Variants in MAP3K4 observed in about 807,000 individuals in gnomAD.
The protein encoded by MAP3K4 is mitogen-activated protein kinase kinase kinase 4, also known as MAP three kinase 1.
In MAP3K4, 67 loss-of-function variants were observed where a neutral mutation model predicts 185.6. The observed-to-expected ratio is 0.36, with a 90% CI of 0.30 to 0.44. The LOEUF (loss-of-function observed/expected upper bound fraction) is 0.44. MAP3K4 is among the 20% of genes least tolerant of loss of function. The pLI, the probability that MAP3K4 is intolerant of heterozygous loss-of-function variation, is 1.00. For synonymous variants in MAP3K4, 702 were observed against 710.4 expected (o/e 0.99, Z 0.19); for missense variants, 1,551 against 1,995.1 (o/e 0.78, Z 4.24).
rs1265241523 is a variant in MAP3K4, at chr6:161,103,822, A to G, written c.3856+1043A>G. Among the ~76,000 whole-genome samples, 2 of 152,214 alleles carry G rather than the reference A, an allele frequency of 1.3e-5. No individual in the cohort carries two copies. Among genetic ancestry groups the G allele is most frequent in the Non-Finnish European group, 2.9e-5 (2 of 68,036 alleles). The stretch of plus-strand genomic sequence containing the variant: ...GCAGAAATTCAGTATAAATAATACG[A>G]TACTGGACTAATGTGGGATTTAAAA... On this transcript the variant is annotated intron_variant, in intron 19 of 26. Coordinates refer to ENST00000392142, the MANE Select transcript of MAP3K4 (RefSeq NM_005922.4). This position sits in a 1 kb window ranked among gnomAD's most constrained non-coding sequence, Gnocchi z 4.6.
At chr6:161,015,708 G>T (rs1411917433) in intron 1 of MAP3K4, among the ~76,000 whole-genome samples, 1 of 152,024 alleles carries the variant, frequency 6.6e-6, no homozygotes, top group Non-Finnish European at 1.5e-5. Context: ...CGGGGGGAAG[G>T]TGCCAGGCTC....
chr6:161,085,764 A>G (rs1785679410), intron 7 of MAP3K4, among the ~76,000 whole-genome samples: 1 of 152,218 alleles, frequency 6.6e-6, no homozygotes, highest in East Asian at 1.9e-4. Context: ...GTAGATTCCA[A>G]AGAAACATGA....
chr6:161,024,199 C>G (rs1782533879), intron 1 of MAP3K4, among the ~76,000 whole-genome samples: 1 of 152,082 alleles, frequency 6.6e-6, no homozygotes, highest in African/African-American at 2.4e-5. Context: ...AAACTGCTGG[C>G]TTCCAGTGAT....
At chr6:160,999,158 T>C (rs1009644999) in intron 1 of MAP3K4, among the ~76,000 whole-genome samples, 4 of 152,338 alleles carry the variant, frequency 2.6e-5, no homozygotes, top group African/African-American at 9.6e-5. Flanking sequence ...TCAGATTTGA[T>C]GTTTTCAGTG....
chr6:161,096,005 T>C lies in MAP3K4; in HGVS notation c.3428-1075T>C, dbSNP rs1777554972. Reference sequence around the variant, plus strand: ...CTCAATTAAAGACTCACCAAATCTTTTGTTTTTTTTTAACCTTTGTTACTA... The same window carrying C: ...CTCAATTAAAGACTCACCAAATCTTCTGTTTTTTTTTAACCTTTGTTACTA... On this transcript the variant is annotated intron_variant, in intron 15 of 26. Coordinates refer to ENST00000392142, the MANE Select transcript of MAP3K4 (RefSeq NM_005922.4). The surrounding 1 kb of genome is among the most constrained non-coding windows in gnomAD (Gnocchi z 4.9). Among the ~76,000 whole-genome samples the C allele has an allele frequency of 6.6e-6, 1 of 152,200 alleles. No individual in the cohort carries two copies. The highest frequency in any genetic ancestry group is 1.5e-5 in the Non-Finnish European group (1 of 68,028).
chr6:161,069,734 A>G (rs1366039051), intron 3 of MAP3K4, among the ~76,000 whole-genome samples: 3 of 152,114 alleles, frequency 2.0e-5, no homozygotes, highest in Admixed American at 1.3e-4. Context: ...TCTGTCCCCA[A>G]GTTATGGTGG....
chr6:161,016,434 T>C (rs555049942), intron 1 of MAP3K4, among the ~76,000 whole-genome samples: 1 of 152,360 alleles, frequency 6.6e-6, no homozygotes, highest in Admixed American at 6.5e-5. Flanking sequence ...AAATATGAGA[T>C]CCTATAGCTT....
intron 1 of MAP3K4, among the ~76,000 whole-genome samples, chr6:161,016,225 A>G (rs1351117257): frequency 6.6e-6 from 1 of 152,074 alleles, no homozygotes; most frequent in East Asian, 1.9e-4. Context: ...TTGAATTTTA[A>G]GAGTTCTTTG....
In MAP3K4 at chr6:161,093,840, G is replaced by C; in HGVS notation, c.3416G>C (p.Gly1139Ala). 3 of 1,612,596 alleles carry C rather than the reference G, an allele frequency of 1.9e-6. No individual in the cohort carries two copies. Among genetic ancestry groups the C allele is most frequent in the Non-Finnish European group, 2.5e-6 (3 of 1,179,016 alleles). Residue 1139 changes from glycine (G) to alanine (A), a missense_variant, in exon 15 of 27, where the codon GGT becomes GCT. Physicochemically the swap from Gly to Ala is moderately conservative, Grantham distance 60. Around this residue, in one of 16 missense-constraint regions of MAP3K4, gnomAD observed 272 missense variants for 301.2 expected, o/e 0.90. Transcript: ENST00000392142. The surrounding 1 kb of genome is among the most constrained non-coding windows in gnomAD (Gnocchi z 5.2). ...VIGKPHSPVT[G>A]LYLAIHRNSP... is the part of the protein sequence containing the mutation. The stretch of plus-strand genomic sequence containing the variant: ...GGAAAACCACACAGTCCTGTTACAG[G>C]TTTGTACCTTGGTAAGACAGCCGTT...
intron 2 of MAP3K4, among the ~76,000 whole-genome samples, chr6:161,045,103 G>A (rs888176899): frequency 6.6e-6 from 1 of 152,074 alleles, no homozygotes; most frequent in African/African-American, 2.4e-5. Flanking sequence ...TATCCTTTTT[G>A]CACAGTAGCT....
intron 19 of MAP3K4, among the ~76,000 whole-genome samples, chr6:161,105,256 A>C (rs564460583): frequency 6.4e-4 from 98 of 152,368 alleles, no homozygotes; most frequent in South Asian, 1.7e-3. Flanking sequence ...AGAAATAGAG[A>C]TAAATTGCCT....
In MAP3K4 at chr6:161,101,525, G is replaced by C. The variant is rs1777837828; in HGVS notation, c.3675-367G>C. 6.3e-6 allele frequency: 1 copy of C among 159,826 alleles called. No individual in the cohort carries two copies. The highest frequency in any genetic ancestry group is 2.4e-5 in the African/African-American group (1 of 41,730). 9.9% of individuals were successfully genotyped at this position (159,826 alleles called of 1,614,324 possible). On this transcript the variant is annotated intron_variant, in intron 17 of 26. Coordinates refer to ENST00000392142, the MANE Select transcript of MAP3K4 (RefSeq NM_005922.4). The surrounding 1 kb of genome is among the most constrained non-coding windows in gnomAD (Gnocchi z 5.1). ...TCAATAGTGTTGTGTTTTTATTTCT[G>C]TTGTTAATATAAGACAAGGTTTTAT...
chr6:161,104,509 C>A (rs991614330), intron 19 of MAP3K4, among the ~76,000 whole-genome samples: 1 of 151,158 alleles, frequency 6.6e-6, no homozygotes, highest in Non-Finnish European at 1.5e-5. Flanking sequence ...GTCAAGAGGT[C>A]GAAACCATCC....
chr6:160,992,021 GCCGCCACCA>G lies in MAP3K4; in HGVS notation c.99_107del (p.Pro34_Pro36del), dbSNP rs1478467206. On this transcript the variant is annotated inframe_deletion, in exon 1 of 27. Coordinates refer to ENST00000392142, the MANE Select transcript of MAP3K4 (RefSeq NM_005922.4). ...TGGAGGAGCCGCCGCCACCGCCGCC[GCCGCCACCA>G]CCGCCACCGGAACCCGAGACCGAGT... 3 of 1,556,058 alleles carry G rather than the reference GCCGCCACCA, an allele frequency of 1.9e-6. No homozygotes were observed. Among genetic ancestry groups the G allele is most frequent in the Admixed American group, 1.8e-5 (1 of 54,130 alleles).
At position 161,116,531 on chromosome 6, in the gene MAP3K4, T is replaced by A. The variant is rs1367584384; in HGVS notation, c.4807-319T>A. On this transcript the variant is annotated intron_variant, in intron 26 of 26. Transcript: ENST00000392142. This position sits in a 1 kb window ranked among gnomAD's most constrained non-coding sequence, Gnocchi z 6.2. Reference sequence around the variant, plus strand: ...AAGGGGCAAGCAGCAGGATCAGCTATGGAGACATTAGGGATTTGTAATTAA... The same window carrying A: ...AAGGGGCAAGCAGCAGGATCAGCTAAGGAGACATTAGGGATTTGTAATTAA... Among the ~76,000 whole-genome samples the A allele has an allele frequency of 6.6e-6, 1 of 152,134 alleles. No individual in the cohort carries two copies. The highest frequency in any genetic ancestry group is 1.5e-5 in the Non-Finnish European group (1 of 68,030).
intron 1 of MAP3K4, chr6:160,992,425 A>G: frequency 2.7e-6 from 1 of 366,332 alleles, no homozygotes; most frequent in Non-Finnish European, 4.9e-6. Context: ...GAGTGGCCTC[A>G]CTGAAGTGCC....
rs554832810 is a variant in MAP3K4 at position 161,054,115 on chromosome 6, T to C, written c.1707+4136T>C. Among the ~76,000 whole-genome samples the C allele has an allele frequency of 3.9e-5, 6 of 152,370 alleles. No individual in the cohort carries two copies. The South Asian group carries it at 1.0e-3, about 26-fold the overall frequency. On this transcript the variant is annotated intron_variant, in intron 3 of 26. Transcript: ENST00000392142. The surrounding 1 kb of genome is among the most constrained non-coding windows in gnomAD (Gnocchi z 4.2). The stretch of plus-strand genomic sequence containing the variant: ...TTATAACCAGTGTTTGCAAAGCACA[T>C]GTGATCTTACATTTAATTTCCCTTT...
rs1783583490 is a variant in MAP3K4 at position 161,043,515 on chromosome 6, C to T, written c.344-5101C>T. On this transcript the variant is annotated intron_variant, in intron 2 of 26. Transcript: ENST00000392142. This position sits in a 1 kb window ranked among gnomAD's most constrained non-coding sequence, Gnocchi z 4.3. ...GATGGTGTGGTGGCACCAACTTGGG[C>T]TAGGACCCCTGTTCTGACATTAACC... Among the ~76,000 whole-genome samples the T allele has an allele frequency of 6.6e-6, 1 of 152,172 alleles. No homozygotes were observed. The highest frequency in any genetic ancestry group is 2.1e-4 in the South Asian group (1 of 4,824).
rs1011789679 is a variant in MAP3K4 at position 161,061,266 on chromosome 6, G to C, written c.1708-9342G>C. Among the ~76,000 whole-genome samples the C allele has an allele frequency of 3.9e-5, 6 of 152,266 alleles. No individual in the cohort carries two copies. In the East Asian group the frequency reaches 1.2e-3, roughly 29 times the overall value. On this transcript the variant is annotated intron_variant, in intron 3 of 26. Coordinates refer to ENST00000392142, the MANE Select transcript of MAP3K4 (RefSeq NM_005922.4). The surrounding 1 kb of genome is among the most constrained non-coding windows in gnomAD (Gnocchi z 4.2). ...TATTCCAAAATAGACAATCATCTCA[G>C]TGTGATTACTGGAAAACAGTTCAAG... is the stretch of plus-strand genomic sequence containing the variant.
Sources: gnomAD v4.1 joint callset for allele counts (sites outside exome capture counted in the v4.1 genomes callset) on GRCh38, gnomAD v4.1.1 for gene constraint, gnomAD v4.1.1 regional missense constraint, Gnocchi (gnomAD v3.1) non-coding constraint, MANE v1.5 for transcripts, NCBI Gene and HGNC (gene_info 2026-07-23, HGNC 2026-07-21) for gene names.